REDIC1: variants seen among roughly 807,000 people sequenced by gnomAD.
REDIC1 encodes the protein HEI10 Interacting Protein 1.
chr12:39,768,474 C>T, the REDIC1 span, among the ~76,000 whole-genome samples: 1 of 152,110 alleles, frequency 6.6e-6, no homozygotes, highest in Non-Finnish European at 1.5e-5. Context: ...CCTCATTAAG[C>T]TCAATTATTT....
chr12:39,838,414 C>G, the REDIC1 span, among the ~76,000 whole-genome samples: 114 of 145,652 alleles, frequency 7.8e-4, no homozygotes, highest in Non-Finnish European at 1.3e-3. Flanking sequence ...GTGGGTGCAG[C>G]GCACCAGCAT....
the REDIC1 span, among the ~76,000 whole-genome samples, chr12:39,714,065 G>T: frequency 1.6e-4 from 24 of 148,680 alleles, 2 homozygotes; most frequent in Admixed American, 1.6e-3. Context: ...ACACGTATGT[G>T]TATATACGTG....
the REDIC1 span, among the ~76,000 whole-genome samples, chr12:39,639,989 C>A: frequency 6.6e-6 from 1 of 151,162 alleles, no homozygotes; most frequent in African/African-American, 2.4e-5. Flanking sequence ...AAATACTGCA[C>A]TATCATTGGT....
chr12:39,838,386 A>C, the REDIC1 span, among the ~76,000 whole-genome samples: 1 of 146,392 alleles, frequency 6.8e-6, no homozygotes, highest in East Asian at 2.1e-4. Flanking sequence ...GATATACCTA[A>C]TGCTAGATGA....
the REDIC1 span, chr12:39,646,728 TTAC>T: frequency 1.5e-6 from 1 of 677,502 alleles, no homozygotes; most frequent in Non-Finnish European, 2.3e-6. Context: ...CTGTAGTGAT[TTAC>T]TTAGGTTTCT....
At chr12:39,704,928 G>A in the REDIC1 span, among the ~76,000 whole-genome samples, 3,132 of 152,190 alleles carry the variant, frequency 0.021, 48 homozygotes, top group Non-Finnish European at 0.031. Flanking sequence ...GTTGTGGCGT[G>A]GGGGGAGGGA....
At chr12:39,712,623 GTATA>G in the REDIC1 span, among the ~76,000 whole-genome samples, 4 of 143,118 alleles carry the variant, frequency 2.8e-5, no homozygotes, top group Non-Finnish European at 6.1e-5. Flanking sequence ...ATAGATATGT[GTATA>G]TATGTATACA....
the REDIC1 span, among the ~76,000 whole-genome samples, chr12:39,816,539 C>T: frequency 1.3e-5 from 2 of 151,380 alleles, no homozygotes; most frequent in African/African-American, 2.4e-5. Flanking sequence ...TGTAACAAAC[C>T]TGCACGTTGT....
chr12:39,826,056 CTGAT>C, the REDIC1 span, among the ~76,000 whole-genome samples: 1 of 151,958 alleles, frequency 6.6e-6, no homozygotes, highest in African/African-American at 2.4e-5. Context: ...CTGGATGATA[CTGAT>C]TATTTGGATT....
the REDIC1 span, among the ~76,000 whole-genome samples, chr12:39,815,737 G>T: frequency 2.0e-5 from 3 of 152,280 alleles, no homozygotes. Context: ...AAAGTATCTT[G>T]ATATATGCTA....
chr12:39,790,206 T>C, the REDIC1 span, among the ~76,000 whole-genome samples: 1 of 48,794 alleles, frequency 2.0e-5, no homozygotes, highest in South Asian at 8.8e-4. Context: ...GTGTACAGTG[T>C]TTTTTTTTTC....
chr12:39,890,634 T>C, the REDIC1 span, among the ~76,000 whole-genome samples: 1 of 152,226 alleles, frequency 6.6e-6, no homozygotes, highest in Non-Finnish European at 1.5e-5. Context: ...GGTTTTCTTT[T>C]ATTTTTAATT....
the REDIC1 span, among the ~76,000 whole-genome samples, chr12:39,855,804 T>C: frequency 2.6e-5 from 4 of 152,238 alleles, no homozygotes; most frequent in Non-Finnish European, 5.9e-5. Flanking sequence ...TCTAATTTAA[T>C]CAATATACAA....
chr12:39,663,547 C>CT, the REDIC1 span, among the ~76,000 whole-genome samples: 1 of 151,980 alleles, frequency 6.6e-6, no homozygotes, highest in Non-Finnish European at 1.5e-5. Context: ...GGATCCATAT[C>CT]TTTTAATGGG....
At chr12:39,830,136 T>C in the REDIC1 span, 1 of 1,613,750 alleles carries the variant, frequency 6.2e-7, no homozygotes, top group Admixed American at 1.7e-5. Flanking sequence ...AGATGCTTTA[T>C]TAACTGGAAC....
the REDIC1 span, among the ~76,000 whole-genome samples, chr12:39,804,777 A>G: frequency 6.6e-6 from 1 of 152,170 alleles, no homozygotes; most frequent in Non-Finnish European, 1.5e-5. Context: ...TAAATGGATT[A>G]GCATACAGAT....
chr12:39,781,382 G>A, the REDIC1 span, among the ~76,000 whole-genome samples: 2 of 15,638 alleles, frequency 1.3e-4, no homozygotes, highest in East Asian at 5.7e-3. Flanking sequence ...GCCCCGCACA[G>A]TCTGGCCTGC....
the REDIC1 span, among the ~76,000 whole-genome samples, chr12:39,695,216 G>A: frequency 1.3e-5 from 2 of 152,104 alleles, no homozygotes; most frequent in South Asian, 4.1e-4. Flanking sequence ...CTTGAAAAAA[G>A]CAGAGAGAAA....
chr12:39,750,642 C>T, the REDIC1 span, among the ~76,000 whole-genome samples: 1 of 152,268 alleles, frequency 6.6e-6, no homozygotes, highest in South Asian at 2.1e-4. Context: ...GGAGGCATCA[C>T]ACTACCTGAC....
Sources: allele counts gnomAD v4.1 joint callset (sites outside exome capture counted in the v4.1 genomes callset), GRCh38; gene constraint gnomAD v4.1.1; transcripts MANE v1.5; gene names NCBI Gene and HGNC (gene_info 2026-07-23, HGNC 2026-07-21).